ZSWIM4: variants seen among roughly 807,000 people sequenced by gnomAD.
ZSWIM4 encodes the protein zinc finger SWIM domain-containing protein 4.
Under a neutral mutation model 102.5 loss-of-function variants are expected in ZSWIM4, and 62 were observed. The observed-to-expected ratio is 0.60, with a 90% CI of 0.49 to 0.75. The LOEUF (loss-of-function observed/expected upper bound fraction) is 0.75, where lower values mean the gene tolerates loss of function less well. Ranked by LOEUF, ZSWIM4 falls within the 30% of genes least tolerant of loss-of-function variation. The pLI is 0.00. For missense variants in ZSWIM4, 1,280 were observed against 1,529.6 expected (o/e 0.84, Z 2.72); for synonymous variants, 652 against 674.5 (o/e 0.97, Z 0.52).
chr19:13,822,935 C>T (rs922789260), intron 10 of ZSWIM4, among the ~76,000 whole-genome samples: 3 of 150,968 alleles, frequency 2.0e-5, no homozygotes, highest in African/African-American at 4.9e-5. Context: ...GCCGAGATTG[C>T]GCCATTGCAC....
chr19:13,809,179 C>G lies in ZSWIM4; in HGVS notation c.971C>G (p.Ala324Gly), dbSNP rs1975005613. The change falls in exon 5 of 14, where the codon GCG becomes GGG. Residue 324 changes from alanine to glycine, a missense_variant. Transcript: ENST00000590508. This position sits in a 1 kb window ranked among gnomAD's most constrained non-coding sequence, Gnocchi z 4.2. Reference sequence around the variant, plus strand: ...CTGGCCCTGTGGCGGCAGCAGGGCGCGGGCATGACGGACAAGTGCCGGCAG... The same window carrying G: ...CTGGCCCTGTGGCGGCAGCAGGGCGGGGGCATGACGGACAAGTGCCGGCAG... ...TRLALWRQQG[A>G]GMTDKCRQLW... The G allele has an allele frequency of 1.9e-6, 3 of 1,612,054 alleles. No homozygotes were observed. Among genetic ancestry groups the G allele is most frequent in the East Asian group, 4.5e-5 (2 of 44,844 alleles).
chr19:13,798,464 C>G (rs1402633526), intron 1 of ZSWIM4, among the ~76,000 whole-genome samples: 2 of 151,934 alleles, frequency 1.3e-5, no homozygotes, highest in Non-Finnish European at 2.9e-5. Flanking sequence ...ATTATTATCA[C>G]TTTTTTCTAA....
At position 13,819,422 on chromosome 19, in the gene ZSWIM4, C is replaced by A. The variant is rs777464985; in HGVS notation, c.1990C>A (p.Arg664Ser). The A allele has an allele frequency of 1.2e-6, 2 of 1,611,730 alleles. No homozygotes were observed. Among genetic ancestry groups the A allele is most frequent in the East Asian group, 2.2e-5 (1 of 44,736 alleles). ...RESVPMHTCA[R>S]YLFTALLPHD... is the part of the protein sequence containing the mutation. ...GAGCGTGCCCATGCACACCTGTGCC[C>A]GCTACCTGTTCACCGCACTGCTGCC... is the stretch of plus-strand genomic sequence containing the variant. The change falls in exon 10 of 14, where the codon CGC (arginine) becomes AGC (serine). Residue 664 changes from arginine to serine, a missense_variant. Arg to Ser is a moderately radical substitution (Grantham distance 110, BLOSUM62 -1). Transcript: ENST00000590508.
chr19:13,824,765 A>G (rs919466056), intron 11 of ZSWIM4, among the ~76,000 whole-genome samples: 1 of 107,744 alleles, frequency 9.3e-6, no homozygotes, highest in African/African-American at 4.2e-5. Flanking sequence ...TAATAATAAT[A>G]ATAATAATAA....
In ZSWIM4 at chr19:13,823,510, G is replaced by T; in HGVS notation, c.2215+10G>T. On this transcript the variant is annotated intron_variant, in intron 11 of 13. Transcript: ENST00000590508. ...TTGACGGCCGCCAAGGGTGAGGCTG[G>T]CAGCTGTCCCGATTCCTTTGTCTTC... 1 of 1,558,660 alleles carries T rather than the reference G, an allele frequency of 6.4e-7. No homozygotes were observed. The highest frequency in any genetic ancestry group is 8.7e-7 in the Non-Finnish European group (1 of 1,150,724).
At chr19:13,799,349 C>T (rs1323205164) in intron 1 of ZSWIM4, among the ~76,000 whole-genome samples, 1 of 149,580 alleles carries the variant, frequency 6.7e-6, no homozygotes, top group African/African-American at 2.5e-5. Context: ...TCTCAGCTCA[C>T]TGCAGCCTCT....
chr19:13,817,687 TC>T (rs1461340732), intron 8 of ZSWIM4, 34 bp from the exon 9 acceptor site: 1 of 1,602,652 alleles, frequency 6.2e-7, no homozygotes, highest in African/African-American at 1.3e-5. Flanking sequence ...GGGAAGGGGA[TC>T]CGTCTCCAGC....
intron 2 of ZSWIM4, 24 bp downstream of exon 2, chr19:13,799,945 G>A: frequency 1.9e-6 from 3 of 1,597,962 alleles, no homozygotes; most frequent in Non-Finnish European, 1.7e-6. Context: ...CCCCACTCCT[G>A]CTGGGGAGGC....
rs1216595254 is a variant in ZSWIM4, at chr19:13,795,723, C to T, written c.75C>T (p.Ala25=). 4 of 1,212,884 alleles carry T rather than the reference C, an allele frequency of 3.3e-6. No homozygotes were observed. The highest frequency in any genetic ancestry group is 4.1e-6 in the Non-Finnish European group (4 of 974,340). 75.1% of individuals were successfully genotyped at this position (1,212,884 alleles called of 1,614,324 possible). A position where few individuals can be genotyped will look rare whatever the true frequency, so the allele number is the denominator to read the frequency against. ...AGGAGCGCGATGCCGGGGCCGGGGCCGCGCGTGGCCGGGGCCGGCCCGAGG... is the reference window on the plus strand; with the variant it reads ...AGGAGCGCGATGCCGGGGCCGGGGCTGCGCGTGGCCGGGGCCGGCCCGAGG... ...GPEERDAGAG[A]ARGRGRPEAL... Residue 25 remains alanine, a synonymous_variant, in exon 1 of 14, where the codon GCC becomes GCT. Transcript: ENST00000590508.
chr19:13,827,179 CAGG>C (rs1245610947), intron 12 of ZSWIM4, among the ~76,000 whole-genome samples: 1 of 151,904 alleles, frequency 6.6e-6, no homozygotes, highest in Admixed American at 6.6e-5. Context: ...CCCAGCTCCT[CAGG>C]AGGCTGAGGC....
At chr19:13,812,328 C>T (rs1037105748) in intron 5 of ZSWIM4, among the ~76,000 whole-genome samples, 2 of 151,958 alleles carry the variant, frequency 1.3e-5, no homozygotes, top group Admixed American at 6.6e-5. Context: ...GAGTCTCACT[C>T]TGTTGCCCAG....
At chr19:13,800,772 A>T (rs1320840377) in intron 2 of ZSWIM4, among the ~76,000 whole-genome samples, 1 of 152,098 alleles carries the variant, frequency 6.6e-6, no homozygotes, top group Non-Finnish European at 1.5e-5. Context: ...GGTTTAGACA[A>T]GGGGTTGGGG....
At position 13,809,310 on chromosome 19, in the gene ZSWIM4, A is replaced by C. The variant is rs1975011816; in HGVS notation, c.1012+90A>C. ...TCCAAGATTAGGGTCTGTTCCCTGAATCCGCCCTCCATTCGTTTGGCAAAC... is the reference window on the plus strand; with the variant it reads ...TCCAAGATTAGGGTCTGTTCCCTGACTCCGCCCTCCATTCGTTTGGCAAAC... On this transcript the variant is annotated intron_variant, in intron 5 of 13. Coordinates refer to ENST00000590508, the MANE Select transcript of ZSWIM4 (RefSeq NM_001367834.3). The surrounding 1 kb of genome is among the most constrained non-coding windows in gnomAD (Gnocchi z 4.2). 6.8e-7 allele frequency: 1 copy of C among 1,473,216 alleles called. No homozygotes were observed. Among genetic ancestry groups the C allele is most frequent in the Non-Finnish European group, 9.0e-7 (1 of 1,113,284 alleles). The allele number at this position is 1,473,216 out of a possible 1,614,324, so 91.3% of individuals were successfully genotyped here.
At position 13,799,887 on chromosome 19, in the gene ZSWIM4, C is replaced by T. The variant is rs763027786; in HGVS notation, c.321C>T (p.Leu107=). The change falls in exon 2 of 14, where the codon CTC becomes CTT. Residue 107 remains leucine, a synonymous_variant. Coordinates refer to ENST00000590508, the MANE Select transcript of ZSWIM4 (RefSeq NM_001367834.3). Reference sequence around the variant, plus strand: ...CCTTTACCCGCGGGCTGCACCTGCTCCAGAGCGGGGCCGTGGACCGCGTGT... The same window carrying T: ...CCTTTACCCGCGGGCTGCACCTGCTTCAGAGCGGGGCCGTGGACCGCGTGT... ...RVPFTRGLHL[L]QSGAVDRVLQ... is the part of the protein sequence containing the mutation. The T allele has an allele frequency of 5.0e-6, 8 of 1,612,812 alleles. No individual in the cohort carries two copies. Among genetic ancestry groups the T allele is most frequent in the African/African-American group, 2.7e-5 (2 of 74,914 alleles).
intron 1 of ZSWIM4, among the ~76,000 whole-genome samples, 197 bp from the exon 2 acceptor site, chr19:13,799,523 C>T (rs1359958861): frequency 1.3e-5 from 2 of 152,040 alleles, no homozygotes; most frequent in South Asian, 2.1e-4. Context: ...GATCTGCCTG[C>T]CTCGGCCTCC....
Position 13,817,823 on chromosome 19 carries a change from G to C in ZSWIM4, c.1771G>C (p.Gly591Arg). 1 of 1,577,816 alleles carries C rather than the reference G, an allele frequency of 6.3e-7. No homozygotes were observed. Among genetic ancestry groups the C allele is most frequent in the Non-Finnish European group, 8.6e-7 (1 of 1,162,678 alleles). The change falls in exon 9 of 14, where the codon GGG becomes CGG. Residue 591 changes from glycine (G) to arginine (R), a missense_variant. Transcript: ENST00000590508. ...LVLALEVALL[G>R]LGQQRALPEG... The stretch of plus-strand genomic sequence containing the variant: ...GCTGGCGCTGGAGGTGGCACTGCTG[G>C]GGCTGGGGCAGCAGCGGGCCCTGCC...
At chr19:13,801,709 T>C (rs543648153) in intron 2 of ZSWIM4, among the ~76,000 whole-genome samples, 2 of 151,882 alleles carry the variant, frequency 1.3e-5, no homozygotes, top group East Asian at 1.9e-4. Context: ...TCTTGCTCTG[T>C]TGCCCAGGCT....
Position 13,809,130 on chromosome 19 carries a change from G to C in ZSWIM4, c.922G>C (p.Glu308Gln), listed in dbSNP as rs528311511. Residue 308 changes from glutamate to glutamine, a missense_variant, in exon 5 of 14, where the codon GAG becomes CAG. Transcript: ENST00000590508. This position sits in a 1 kb window ranked among gnomAD's most constrained non-coding sequence, Gnocchi z 4.2. ...NGARMLILMT[E>Q]QFLQDTRLAL... Reference sequence around the variant, plus strand: ...GGCGCGCATGCTGATTCTCATGACCGAGCAGTTCCTGCAGGACACGCGCCT... The same window carrying C: ...GGCGCGCATGCTGATTCTCATGACCCAGCAGTTCCTGCAGGACACGCGCCT... The C allele has an allele frequency of 1.2e-6, 2 of 1,613,798 alleles. No homozygotes were observed. The highest frequency in any genetic ancestry group is 1.7e-5 in the Admixed American group (1 of 60,008).
At chr19:13,815,962 AAG>A (rs61398620) in intron 7 of ZSWIM4, among the ~76,000 whole-genome samples, 31 of 147,522 alleles carry the variant, frequency 2.1e-4, no homozygotes, top group Admixed American at 6.0e-4. Flanking sequence ...AAAAAAAAAA[AAG>A]AGAGAGAGAG....
Sources: allele counts gnomAD v4.1 joint callset (sites outside exome capture counted in the v4.1 genomes callset), GRCh38; gene constraint gnomAD v4.1.1; non-coding constraint Gnocchi (gnomAD v3.1); transcripts MANE v1.5; gene names NCBI Gene and HGNC (gene_info 2026-07-23, HGNC 2026-07-21).